Variants in ANKUB1 observed in about 807,000 individuals in gnomAD.
ANKUB1 encodes the protein protein ANKUB1.
ANKUB1 carries 42 observed loss-of-function variants against 49.3 expected under a neutral mutation model. The ratio of observed to expected loss-of-function variants is 0.85; its 90% CI spans 0.67 to 1.10. ANKUB1 has a LOEUF of 1.10. Among genes scored for constraint, ANKUB1 ranks in the 50% least tolerant of loss-of-function variants. The pLI is 0.00. For synonymous variants in ANKUB1, 222 were observed against 231.0 expected, an observed-to-expected ratio of 0.96 and a Z score of 0.35; for missense variants, 613 against 642.0, an observed-to-expected ratio of 0.95 and a Z score of 0.49.
chr3:149,783,560 A>G (rs1235386867), intron 2 of ANKUB1: 1 of 152,234 alleles, frequency 6.6e-6, no homozygotes, highest in Admixed American at 6.5e-5. Context: ...TAACAATAAG[A>G]AAGGAAAAGC....
chr3:149,761,532 G>C lies in ANKUB1; in HGVS notation c.1587C>G (p.Thr529=), dbSNP rs1173098065. 1.3e-6 allele frequency: 2 copies of C among 1,551,358 alleles called. No individual in the cohort carries two copies. Among genetic ancestry groups the C allele is most frequent in the Non-Finnish European group, 1.7e-6 (2 of 1,146,816 alleles). ...LAKKSISNLT[T]RGGLTACENS... ...TTTCACACGCTGTCAGACCTCCTCG[G>C]GTAGTCAAGTTAGAAATGCTCTTTT... Residue 529 remains threonine (T), a synonymous_variant, in exon 6 of 6, where the codon ACC becomes ACG. Transcript: ENST00000446160.
chr3:149,784,947 T>C (rs991138329), intron 2 of ANKUB1, among the ~76,000 whole-genome samples: 3 of 152,224 alleles, frequency 2.0e-5, no homozygotes, highest in African/African-American at 7.2e-5. Context: ...ATATCTTATC[T>C]AGTACTATTC....
Position 149,770,355 on chromosome 3 carries a change from G to A in ANKUB1, c.566+205C>T, listed in dbSNP as rs572410130. Among the ~76,000 whole-genome samples, 24 of 152,190 alleles carry A rather than the reference G, an allele frequency of 1.6e-4. No individual in the cohort carries two copies. In the East Asian group the frequency reaches 2.3e-3, roughly 15 times the overall value. On this transcript the variant is annotated intron_variant, in intron 4 of 5. Transcript: ENST00000446160. ...TTCCTGAGGAAAGTCTACCTGAATC[G>A]CAAGACTATCAGTCCTGATGGCATC...
intron 4 of ANKUB1, among the ~76,000 whole-genome samples, chr3:149,769,679 A>G (rs923420863): frequency 2.0e-5 from 3 of 152,206 alleles, no homozygotes; most frequent in African/African-American, 7.2e-5. Flanking sequence ...ATATCCTATA[A>G]TTTATTGAAT....
chr3:149,789,651 A>C (rs1275259952), intron 2 of ANKUB1, among the ~76,000 whole-genome samples: 1 of 131,364 alleles, frequency 7.6e-6, no homozygotes, highest in African/African-American at 2.9e-5. Context: ...TTTTTCCGAG[A>C]TGGGGTCTCA....
At chr3:149,764,002 A>C (rs1716883419) in intron 5 of ANKUB1, 1 of 456,154 alleles carries the variant, frequency 2.2e-6, no homozygotes, top group Non-Finnish European at 4.4e-6. Context: ...GTAAAACAGG[A>C]ACATCTGATG....
intron 2 of ANKUB1, among the ~76,000 whole-genome samples, chr3:149,782,586 G>A (rs1051321533): frequency 6.6e-6 from 1 of 152,136 alleles, no homozygotes; most frequent in Admixed American, 6.5e-5. Flanking sequence ...TCACTCTGTT[G>A]CCCAGGCTGA....
rs1182291812 is a variant in ANKUB1 at position 149,792,439 on chromosome 3, G to T, written c.-73C>A. The T allele has an allele frequency of 8.1e-7, 1 of 1,233,644 alleles. No homozygotes were observed. 76.4% of individuals were successfully genotyped at this position (1,233,644 alleles called of 1,614,324 possible). A position where few individuals can be genotyped will look rare whatever the true frequency, so the allele number is the denominator to read the frequency against. ...TCTCCTGGATGGCTAGAAAAATTCC[G>T]GTTCACAATTAAGGACAAAAATGAT... On this transcript the variant is annotated 5_prime_UTR_variant, in exon 1 of 6. Coordinates refer to ENST00000446160, the MANE Select transcript of ANKUB1 (RefSeq NM_001144960.3).
intron 3 of ANKUB1, chr3:149,778,331 A>G (rs1403030): frequency 0.78 from 118,652 of 151,920 alleles, 46,556 homozygotes; most frequent in East Asian, 0.9. Context: ...CCAGAGGGTC[A>G]TTTTAAGGAG....
chr3:149,765,352 G>A (rs1333247709), intron 5 of ANKUB1, among the ~76,000 whole-genome samples: 1 of 152,116 alleles, frequency 6.6e-6, no homozygotes, highest in African/African-American at 2.4e-5. Context: ...ATTTTGGGGG[G>A]TGCTGGAAAT....
chr3:149,772,926 C>T (rs1346006020), intron 3 of ANKUB1, among the ~76,000 whole-genome samples: 3 of 152,258 alleles, frequency 2.0e-5, no homozygotes, highest in South Asian at 2.1e-4. Flanking sequence ...GATTTCAGAA[C>T]ACCAGTAATC....
intron 3 of ANKUB1, chr3:149,779,102 T>A (rs1340825971): frequency 2.0e-5 from 3 of 152,154 alleles, no homozygotes; most frequent in African/African-American, 7.2e-5. Flanking sequence ...TTAGTATGCT[T>A]AAAACAAATC....
intron 5 of ANKUB1, chr3:149,766,810 A>G: frequency 9.6e-7 from 1 of 1,043,108 alleles, no homozygotes; most frequent in Non-Finnish European, 1.4e-6. Context: ...ACAAAAAGAA[A>G]AAAGAAAAGC....
At chr3:149,768,235 G>C (rs2108265041) in intron 4 of ANKUB1, 140 bp from the exon 5 acceptor site, 1 of 652,420 alleles carries the variant, frequency 1.5e-6, no homozygotes, top group Non-Finnish European at 2.4e-6. Flanking sequence ...TTTTAGAAAA[G>C]GCATATAGTG....
At chr3:149,783,187 G>A (rs1717944070) in intron 2 of ANKUB1, 1 of 152,120 alleles carries the variant, frequency 6.6e-6, no homozygotes, top group Non-Finnish European at 1.5e-5. Flanking sequence ...CGAGGGAGTA[G>A]GTAGATGCCA....
chr3:149,764,820 T>C lies in ANKUB1; in HGVS notation c.1505+2337A>G, dbSNP rs553810999. ...AGAAATTTCTTTCTTGACCTTGAAATTGCCACTCATTAATAATTCCAATCC... is the reference window on the plus strand; with the variant it reads ...AGAAATTTCTTTCTTGACCTTGAAACTGCCACTCATTAATAATTCCAATCC... On this transcript the variant is annotated intron_variant, in intron 5 of 5. Transcript: ENST00000446160. Among the ~76,000 whole-genome samples, 3 of 151,824 alleles carry C rather than the reference T, an allele frequency of 2.0e-5. No homozygotes were observed. The South Asian group carries it at 6.3e-4, about 32-fold the overall frequency.
intron 4 of ANKUB1, among the ~76,000 whole-genome samples, chr3:149,769,822 T>C (rs547612995): frequency 6.6e-6 from 1 of 152,248 alleles, no homozygotes; most frequent in Non-Finnish European, 1.5e-5. Context: ...ACTGTCTGTA[T>C]TTATTCTGAT....
At chr3:149,764,052 G>A (rs562316496) in intron 5 of ANKUB1, 4 of 456,188 alleles carry the variant, frequency 8.8e-6, no homozygotes, top group South Asian at 6.2e-5. Flanking sequence ...GCATCATGAA[G>A]GATTACATTA....
intron 2 of ANKUB1, among the ~76,000 whole-genome samples, chr3:149,788,836 G>A (rs548241498): frequency 6.6e-6 from 1 of 151,944 alleles, no homozygotes; most frequent in Non-Finnish European, 1.5e-5. Context: ...GAGTACAGTG[G>A]GGTGATCTCG....
Sources: gnomAD v4.1 joint callset for allele counts (sites outside exome capture counted in the v4.1 genomes callset) on GRCh38, gnomAD v4.1.1 for gene constraint, MANE v1.5 for transcripts, NCBI Gene and HGNC (gene_info 2026-07-23, HGNC 2026-07-21) for gene names.